Variants in MCPH1 observed in about 807,000 individuals in gnomAD.
The protein encoded by MCPH1 is microcephalin.
In MCPH1, 104 loss-of-function variants were observed where a neutral mutation model predicts 84.5. That is an observed-to-expected ratio of 1.23 (90% CI 1.05 to 1.45). The LOEUF is 1.45. Among genes scored for constraint, MCPH1 ranks in the 40% most tolerant of loss-of-function variants. MCPH1 has a pLI of 0.00. For synonymous variants in MCPH1, 514 were observed against 366.8 expected (o/e 1.40, Z -4.58); for missense variants, 1,498 against 1,005.7 (o/e 1.49, Z -6.62).
intron 3 of MCPH1, among the ~76,000 whole-genome samples, chr8:6,421,806 C>G (rs774751106): frequency 6.6e-6 from 1 of 152,150 alleles, no homozygotes; most frequent in Non-Finnish European, 1.5e-5. Context: ...GTCCCCTTCC[C>G]TTCCATTGTC....
intron 3 of MCPH1, among the ~76,000 whole-genome samples, chr8:6,430,813 G>A (rs528973948): frequency 6.6e-6 from 1 of 152,288 alleles, no homozygotes; most frequent in East Asian, 1.9e-4. Flanking sequence ...AATATTTCAG[G>A]AATGTATGAG....
chr8:6,585,068 C>T (rs1484565967), intron 12 of MCPH1, among the ~76,000 whole-genome samples: 1 of 152,204 alleles, frequency 6.6e-6, no homozygotes, highest in Non-Finnish European at 1.5e-5. Context: ...ATAAACTATT[C>T]TCTAGCAGTT....
At chr8:6,484,500 C>G (rs937429330) in intron 11 of MCPH1, among the ~76,000 whole-genome samples, 10 of 152,254 alleles carry the variant, frequency 6.6e-5, no homozygotes, top group Non-Finnish European at 1.3e-4. Context: ...TAAATGTCCA[C>G]TCAGCAGTCC....
intron 12 of MCPH1, chr8:6,509,131 G>A (rs1201390071): frequency 1.5e-5 from 24 of 1,561,774 alleles, no homozygotes; most frequent in Non-Finnish European, 2.1e-5. Flanking sequence ...CAAATTTTTT[G>A]TGATGAAGAA....
chr8:6,611,711 C>T (rs551122901), intron 12 of MCPH1, among the ~76,000 whole-genome samples: 77 of 152,324 alleles, frequency 5.1e-4, no homozygotes, highest in African/African-American at 1.3e-3. Flanking sequence ...CTCCGCCTCC[C>T]GGGTTCTCGC....
chr8:6,436,200 G>A, intron 5 of MCPH1, 38 bp downstream of exon 5: 2 of 1,601,648 alleles, frequency 1.2e-6, no homozygotes, highest in African/African-American at 1.3e-5. Flanking sequence ...TTGCATTTGT[G>A]TCCATACACC....
At chr8:6,422,513 G>A (rs1441404997) in intron 3 of MCPH1, among the ~76,000 whole-genome samples, 1 of 152,136 alleles carries the variant, frequency 6.6e-6, no homozygotes, top group Non-Finnish European at 1.5e-5. Flanking sequence ...ATGGTCACTG[G>A]TAGTGTGTTC....
chr8:6,478,851 C>T (rs938438593), intron 10 of MCPH1, among the ~76,000 whole-genome samples: 4 of 152,186 alleles, frequency 2.6e-5, no homozygotes, highest in African/African-American at 7.2e-5. Context: ...GATCTTGACT[C>T]ACACATCTTT....
At chr8:6,508,766 G>T in intron 12 of MCPH1, 1 of 966,728 alleles carries the variant, frequency 1.0e-6, no homozygotes, top group Non-Finnish European at 1.6e-6. Flanking sequence ...TTAAAACTTA[G>T]TCTAAAAAAA....
rs1416338822 is a variant in MCPH1, at chr8:6,592,614, CTTTTTTTTGTTT to C, written c.2215-28831_2215-28820del. 1.7e-3 allele frequency among the ~76,000 whole-genome samples: 113 copies of C among 65,546 alleles called. 2 individuals are homozygous for C. Among genetic ancestry groups the C allele is most frequent in the Non-Finnish European group, 2.7e-3 (88 of 33,008 alleles). 43.0% of individuals were successfully genotyped at this position (65,546 alleles called of 152,430 possible). On this transcript the variant is annotated intron_variant, in intron 12 of 13. Coordinates refer to ENST00000344683, the MANE Select transcript of MCPH1 (RefSeq NM_024596.5). ...GTCATCTAGGCTCTCGTTTTTCTTT[CTTTTTTTTGTTT>C]TTTTTTTTTTTTTTTTTGTTGCTGT...
intron 13 of MCPH1, among the ~76,000 whole-genome samples, chr8:6,639,430 G>A (rs1376877772): frequency 6.6e-6 from 1 of 152,172 alleles, no homozygotes; most frequent in Non-Finnish European, 1.5e-5. Context: ...GGAAGCCAAG[G>A]TGAGTGGACT....
In MCPH1 at chr8:6,409,275, T is replaced by C. The variant is rs1798203152; in HGVS notation, c.23-4T>C. The stretch of plus-strand genomic sequence containing the variant: ...TATGTTTCATGTTCATATCTTGTTT[T>C]CAGATGTAGTGGCCTATGTTGAAGT... On this transcript the variant is annotated splice_polypyrimidine_tract_variant and splice_region_variant and intron_variant, in intron 1 of 13. Transcript: ENST00000344683. 6.2e-7 allele frequency: 1 copy of C among 1,608,742 alleles called. No individual in the cohort carries two copies. The highest frequency in any genetic ancestry group is 8.5e-7 in the Non-Finnish European group (1 of 1,175,158).
chr8:6,451,056 A>G (rs1396163003), intron 8 of MCPH1, among the ~76,000 whole-genome samples: 2 of 152,228 alleles, frequency 1.3e-5, no homozygotes, highest in Non-Finnish European at 2.9e-5. Flanking sequence ...AGGAACTGTG[A>G]ATTACTATTG....
chr8:6,541,199 G>C lies in MCPH1; in HGVS notation c.2214+41270G>C, dbSNP rs1563094299. Among the ~76,000 whole-genome samples the C allele has an allele frequency of 2.0e-5, 3 of 152,328 alleles. No individual in the cohort carries two copies. The South Asian group carries it at 6.2e-4, about 32-fold the overall frequency. On this transcript the variant is annotated intron_variant, in intron 12 of 13. Transcript: ENST00000344683. ...AGCAGCACAAGAGGGTGAATTCTGA[G>C]CAGCACCAGAGGGTTTCCCTGACAC...
chr8:6,446,806 T>C, intron 8 of MCPH1: 1 of 985,338 alleles, frequency 1.0e-6, no homozygotes, highest in South Asian at 4.7e-5. Context: ...CAGTGTGGCA[T>C]GGCCTAAAAT....
chr8:6,569,036 T>C (rs541847002), intron 12 of MCPH1, among the ~76,000 whole-genome samples: 2 of 152,344 alleles, frequency 1.3e-5, no homozygotes, highest in East Asian at 1.9e-4. Flanking sequence ...GGAGGGACTT[T>C]TGAGACATCT....
intron 12 of MCPH1, chr8:6,508,662 C>A (rs910698770): frequency 3.7e-5 from 22 of 588,128 alleles, no homozygotes; most frequent in Non-Finnish European, 6.3e-5. Flanking sequence ...GGAGAGCTTG[C>A]TAAGAATCAA....
chr8:6,571,082 T>A (rs1029399230), intron 12 of MCPH1, among the ~76,000 whole-genome samples: 1 of 152,138 alleles, frequency 6.6e-6, no homozygotes, highest in Non-Finnish European at 1.5e-5. Flanking sequence ...AATATTTTCA[T>A]TCTCTAGTAT....
chr8:6,552,760 C>T (rs552194071), intron 12 of MCPH1, among the ~76,000 whole-genome samples: 20 of 151,580 alleles, frequency 1.3e-4, no homozygotes, highest in African/African-American at 4.1e-4. Flanking sequence ...GTGATTGTTT[C>T]GGCCAGTTAA....
Sources: allele counts gnomAD v4.1 joint callset (sites outside exome capture counted in the v4.1 genomes callset), GRCh38; gene constraint gnomAD v4.1.1; transcripts MANE v1.5; gene names NCBI Gene and HGNC (gene_info 2026-07-23, HGNC 2026-07-21).